TTC7B: variants seen among roughly 807,000 people sequenced by gnomAD.
TTC7B encodes tetratricopeptide repeat domain 7B.
In TTC7B, 28 loss-of-function variants were observed where a neutral mutation model predicts 106.8. The ratio of observed to expected loss-of-function variants is 0.26; its 90% CI spans 0.19 to 0.36. TTC7B has a LOEUF of 0.36. TTC7B is among the 10% of genes least tolerant of loss of function. TTC7B has a pLI of 1.00. For synonymous variants in TTC7B, 405 were observed against 430.6 expected (o/e 0.94, Z 0.74); for missense variants, 862 against 1,076.4 (o/e 0.80, Z 2.79).
intron 14 of TTC7B, among the ~76,000 whole-genome samples, chr14:90,644,589 A>T (rs1341997080): frequency 6.6e-6 from 1 of 152,224 alleles, no homozygotes; most frequent in Non-Finnish European, 1.5e-5. Context: ...CTAAGTGGAG[A>T]CACATACAAA....
chr14:90,686,604 A>G (rs767532548), intron 7 of TTC7B, among the ~76,000 whole-genome samples: 1 of 152,254 alleles, frequency 6.6e-6, no homozygotes, highest in Non-Finnish European at 1.5e-5. Context: ...AAAAACTATT[A>G]GGACCAATAA....
chr14:90,564,851 C>T (rs1890723675), intron 19 of TTC7B, among the ~76,000 whole-genome samples: 1 of 152,180 alleles, frequency 6.6e-6, no homozygotes, highest in African/African-American at 2.4e-5. Flanking sequence ...TTCAAGGCTG[C>T]AGTGAGCTAT....
chr14:90,765,170 T>TA (rs1169336120), intron 3 of TTC7B, among the ~76,000 whole-genome samples: 1 of 152,200 alleles, frequency 6.6e-6, no homozygotes, highest in Non-Finnish European at 1.5e-5. Context: ...TAAGGACCTT[T>TA]AAAACTTTAT....
intron 3 of TTC7B, chr14:90,766,763 A>G (rs2140022180): frequency 1.3e-6 from 2 of 1,572,876 alleles, no homozygotes; most frequent in East Asian, 2.2e-5. Context: ...TGCCAGTACA[A>G]GATCCCAGAC....
At chr14:90,630,038 A>C (rs1234131967) in intron 15 of TTC7B, among the ~76,000 whole-genome samples, 1 of 152,130 alleles carries the variant, frequency 6.6e-6, no homozygotes, top group East Asian at 1.9e-4. Flanking sequence ...GGCCAGCACC[A>C]CTCCTAATCT....
intron 4 of TTC7B, among the ~76,000 whole-genome samples, chr14:90,736,211 G>A (rs1246292101): frequency 6.6e-6 from 1 of 151,650 alleles, no homozygotes; most frequent in Non-Finnish European, 1.5e-5. Context: ...AAAGTTTTTT[G>A]TATGTTTGTT....
chr14:90,592,158 A>C (rs1431779040), intron 18 of TTC7B, among the ~76,000 whole-genome samples: 1 of 152,200 alleles, frequency 6.6e-6, no homozygotes, highest in African/African-American at 2.4e-5. Context: ...ACAGGGTGGA[A>C]TATCATACGA....
intron 5 of TTC7B, chr14:90,699,140 C>T (rs952270091): frequency 3.7e-5 from 17 of 455,458 alleles, no homozygotes; most frequent in Non-Finnish European, 5.7e-5. Context: ...TACATTCTAA[C>T]GTACAAGCTT....
intron 5 of TTC7B, among the ~76,000 whole-genome samples, chr14:90,718,117 A>G (rs1340273220): frequency 1.3e-5 from 2 of 152,246 alleles, no homozygotes; most frequent in African/African-American, 4.8e-5. Context: ...GCTGCACCCC[A>G]TGAGGTTTCA....
At chr14:90,794,841 C>T (rs1489592735) in intron 1 of TTC7B, among the ~76,000 whole-genome samples, 2 of 152,162 alleles carry the variant, frequency 1.3e-5, no homozygotes. Context: ...TTAAAAACAT[C>T]AAGAGTCAGG....
chr14:90,739,474 GA>G (rs1379110253), intron 4 of TTC7B, among the ~76,000 whole-genome samples: 2 of 152,160 alleles, frequency 1.3e-5, no homozygotes, highest in East Asian at 3.9e-4. Flanking sequence ...ATCCAGTTTG[GA>G]ATCCAACACC....
chr14:90,707,024 C>T (rs1218468032), intron 5 of TTC7B, among the ~76,000 whole-genome samples: 1 of 152,194 alleles, frequency 6.6e-6, no homozygotes, highest in Admixed American at 6.5e-5. Flanking sequence ...TCCTAGACTA[C>T]TTCTATCTTA....
At chr14:90,635,515 C>T (rs767690815) in intron 15 of TTC7B, among the ~76,000 whole-genome samples, 3 of 152,010 alleles carry the variant, frequency 2.0e-5, no homozygotes, top group Admixed American at 6.6e-5. Context: ...AATCCCAGCA[C>T]TTTGGGAGGC....
rs1488287664 is a variant in TTC7B at position 90,539,826 on chromosome 14, G to A, written c.*1542C>T. The stretch of plus-strand genomic sequence containing the variant: ...CACCTCTACACCTTCTTCTCATGGT[G>A]GCAAGAGGGCTGCTGCAGTTCCAGC... On this transcript the variant is annotated 3_prime_UTR_variant, in exon 20 of 20. Coordinates refer to ENST00000328459, the MANE Select transcript of TTC7B (RefSeq NM_001010854.2). The A allele has an allele frequency of 6.6e-6, 1 of 152,258 alleles. No individual in the cohort carries two copies. The highest frequency in any genetic ancestry group is 1.5e-5 in the Non-Finnish European group (1 of 68,074). 9.4% of individuals were successfully genotyped at this position (152,258 alleles called of 1,614,324 possible). A position where few individuals can be genotyped will look rare whatever the true frequency, so the allele number is the denominator to read the frequency against.
intron 19 of TTC7B, among the ~76,000 whole-genome samples, chr14:90,551,498 A>G (rs760532288): frequency 6.6e-6 from 1 of 152,102 alleles, no homozygotes; most frequent in Non-Finnish European, 1.5e-5. Context: ...CATTCGCTGA[A>G]ATGTAGGCAT....
At chr14:90,626,266 A>G (rs1566805597) in intron 15 of TTC7B, among the ~76,000 whole-genome samples, 2 of 152,302 alleles carry the variant, frequency 1.3e-5, no homozygotes, top group East Asian at 3.9e-4. Context: ...CTTGGAAGAC[A>G]TTTTTCAGGA....
At chr14:90,596,197 T>C (rs1245340041) in intron 17 of TTC7B, among the ~76,000 whole-genome samples, 3 of 152,202 alleles carry the variant, frequency 2.0e-5, no homozygotes, top group African/African-American at 7.2e-5. Context: ...AAATTATTGC[T>C]CTGGAAACAT....
In TTC7B at chr14:90,532,509, A is replaced by G. The variant is rs958900288; in HGVS notation, c.*8859T>C. The stretch of plus-strand genomic sequence containing the variant: ...TCACCATCCCTCTTAAAGGTGAAGA[A>G]GCCCAGTGTCCTCCAGGGTGGGCAC... On this transcript the variant is annotated 3_prime_UTR_variant, in exon 20 of 20. Transcript: ENST00000328459. The G allele has an allele frequency of 2.6e-5, 4 of 152,342 alleles. No individual in the cohort carries two copies. The highest frequency in any genetic ancestry group is 7.2e-5 in the African/African-American group (3 of 41,580). The allele number at this position is 152,342 out of a possible 1,614,324, so 9.4% of individuals were successfully genotyped here. A position where few individuals can be genotyped will look rare whatever the true frequency, so the allele number is the denominator to read the frequency against.
chr14:90,676,814 C>T (rs898296888), intron 8 of TTC7B, among the ~76,000 whole-genome samples, 154 bp from the exon 9 acceptor site: 1 of 152,088 alleles, frequency 6.6e-6, no homozygotes, highest in African/African-American at 2.4e-5. Flanking sequence ...GTTATTTATT[C>T]AAAATCCCCT....
Sources: allele counts gnomAD v4.1 joint callset (sites outside exome capture counted in the v4.1 genomes callset), GRCh38; gene constraint gnomAD v4.1.1; transcripts MANE v1.5; gene names NCBI Gene and HGNC (gene_info 2026-07-23, HGNC 2026-07-21).